TGFBR3: variants seen among roughly 807,000 people sequenced by gnomAD.
The protein encoded by TGFBR3 is transforming growth factor beta receptor 3.
In TGFBR3, 46 loss-of-function variants were observed where a neutral mutation model predicts 87.9. That is an observed-to-expected ratio of 0.52 (90% CI 0.41 to 0.67). TGFBR3 has a LOEUF of 0.67. Among genes scored for constraint, TGFBR3 ranks in the 30% least tolerant of loss-of-function variants. The pLI, the probability that TGFBR3 is intolerant of heterozygous loss-of-function variation, is 0.00. For synonymous variants in TGFBR3, 381 were observed against 391.6 expected, an observed-to-expected ratio of 0.97 and a Z score of 0.32; for missense variants, 866 against 1,041.9, an observed-to-expected ratio of 0.83 and a Z score of 2.32.
intron 7 of TGFBR3, among the ~76,000 whole-genome samples, chr1:91,723,769 T>C (rs967992477): frequency 6.6e-6 from 1 of 152,210 alleles, no homozygotes; most frequent in Non-Finnish European, 1.5e-5. Flanking sequence ...GCATGCAGAT[T>C]ACACCATTTT....
At chr1:91,865,151 C>T (rs1382058194) in intron 1 of TGFBR3, among the ~76,000 whole-genome samples, 3 of 146,278 alleles carry the variant, frequency 2.1e-5, no homozygotes, top group South Asian at 2.1e-4. Flanking sequence ...TGCAATGAGC[C>T]GAGATTATGC....
At chr1:91,786,854 G>A (rs1674989997) in intron 3 of TGFBR3, among the ~76,000 whole-genome samples, 1 of 152,208 alleles carries the variant, frequency 6.6e-6, no homozygotes, top group African/African-American at 2.4e-5. Context: ...AAGCCAGATT[G>A]AAAAGCCAGC....
chr1:91,685,067 C>G (rs1250771485), intron 16 of TGFBR3, among the ~76,000 whole-genome samples: 1 of 152,142 alleles, frequency 6.6e-6, no homozygotes, highest in Admixed American at 6.5e-5. Flanking sequence ...CCCTCAAAAG[C>G]CTCTGTGAAA....
chr1:91,682,870 C>A lies in TGFBR3; in HGVS notation c.*869G>T, dbSNP rs1216784012. 9 of 452,892 alleles carry A rather than the reference C, an allele frequency of 2.0e-5. No individual in the cohort carries two copies. In the East Asian group the frequency reaches 5.6e-4, roughly 28 times the overall value. 28.1% of individuals were successfully genotyped at this position (452,892 alleles called of 1,614,324 possible). ...CTTGCATACACATAGAAATATATCA[C>A]TGTGCAAATTCGTCCTTGACTTTAT... On this transcript the variant is annotated 3_prime_UTR_variant, in exon 17 of 17. Transcript: ENST00000212355.
At chr1:91,753,012 G>C (rs1056368822) in intron 4 of TGFBR3, among the ~76,000 whole-genome samples, 1 of 149,662 alleles carries the variant, frequency 6.7e-6, no homozygotes, top group African/African-American at 2.5e-5. Flanking sequence ...GGGCTACAGA[G>C]CCAGACCCTC....
rs368416266 is a variant in TGFBR3, at chr1:91,875,614, A to G, written c.-114+10264T>C. Among the ~76,000 whole-genome samples the G allele has an allele frequency of 1.2e-4, 19 of 152,096 alleles. No homozygotes were observed. In the East Asian group the frequency reaches 3.7e-3, roughly 29 times the overall value. ...ATTGAAAAGGAAGACTGGGCTGGGC[A>G]CTGTGGCTCACGTCTATATTCCCAG... On this transcript the variant is annotated intron_variant, in intron 1 of 16. Transcript: ENST00000212355.
intron 3 of TGFBR3, among the ~76,000 whole-genome samples, chr1:91,786,470 G>T (rs896782204): frequency 5.3e-5 from 8 of 152,172 alleles, no homozygotes; most frequent in Non-Finnish European, 8.8e-5. Flanking sequence ...GAATGGGCAG[G>T]CCAGGTGTGG....
At chr1:91,856,162 A>C (rs1483159879) in intron 2 of TGFBR3, among the ~76,000 whole-genome samples, 1 of 152,138 alleles carries the variant, frequency 6.6e-6, no homozygotes, top group African/African-American at 2.4e-5. Flanking sequence ...TCCCGGGTTC[A>C]CACCATTCTT....
chr1:91,895,861 C>G (rs927178190), intron 2 of TGFBR3, among the ~76,000 whole-genome samples: 1 of 152,176 alleles, frequency 6.6e-6, no homozygotes, highest in Admixed American at 6.5e-5. Flanking sequence ...CCCAGTAGCT[C>G]AGGTCAAACA....
chr1:91,799,090 C>A (rs1170372946), intron 2 of TGFBR3, among the ~76,000 whole-genome samples: 1 of 152,184 alleles, frequency 6.6e-6, no homozygotes, highest in Admixed American at 6.5e-5. Context: ...TGAATGTACT[C>A]CAGTTTGTTC....
intron 2 of TGFBR3, among the ~76,000 whole-genome samples, chr1:91,823,682 A>G (rs1389084205): frequency 6.6e-6 from 1 of 152,254 alleles, no homozygotes; most frequent in Non-Finnish European, 1.5e-5. Context: ...AAAGCAGATT[A>G]GTAATTGCCT....
chr1:91,709,558 T>C (rs545929052), intron 13 of TGFBR3, among the ~76,000 whole-genome samples: 1 of 152,182 alleles, frequency 6.6e-6, no homozygotes, highest in Non-Finnish European at 1.5e-5. Flanking sequence ...AACTAAACTT[T>C]CCAGGGTCAT....
At chr1:91,853,466 A>C (rs941790516) in intron 2 of TGFBR3, among the ~76,000 whole-genome samples, 3 of 152,110 alleles carry the variant, frequency 2.0e-5, no homozygotes, top group Non-Finnish European at 2.9e-5. Context: ...ACTATGGCAG[A>C]ACCACCTCTG....
intron 2 of TGFBR3, among the ~76,000 whole-genome samples, chr1:91,843,712 A>C (rs1677375120): frequency 6.6e-6 from 1 of 152,190 alleles, no homozygotes; most frequent in South Asian, 2.1e-4. Flanking sequence ...GTGGTCACAC[A>C]GCCTATGATC....
chr1:91,708,793 G>A lies in TGFBR3; in HGVS notation c.2167-10C>T. The A allele has an allele frequency of 6.2e-7, 1 of 1,613,600 alleles. No individual in the cohort carries two copies. The highest frequency in any genetic ancestry group is 8.5e-7 in the Non-Finnish European group (1 of 1,179,894). The stretch of plus-strand genomic sequence containing the variant: ...CGTCAGGAGGCACACACTGCAGACA[G>A]GCAGAACAAAGCACAGAATCAGGGG... On this transcript the variant is annotated splice_polypyrimidine_tract_variant and intron_variant, in intron 13 of 16. Coordinates refer to ENST00000212355, the MANE Select transcript of TGFBR3 (RefSeq NM_003243.5).
chr1:91,838,597 T>C (rs1677148368), intron 2 of TGFBR3, among the ~76,000 whole-genome samples: 1 of 151,128 alleles, frequency 6.6e-6, no homozygotes, highest in Admixed American at 6.6e-5. Flanking sequence ...TAGCTGGGAC[T>C]ACAGGCACCC....
chr1:91,749,710 G>A (rs1352283719), intron 4 of TGFBR3, among the ~76,000 whole-genome samples: 1 of 152,172 alleles, frequency 6.6e-6, no homozygotes, highest in Non-Finnish European at 1.5e-5. Context: ...AGGCATCACT[G>A]TCTATAATTT....
At chr1:91,764,317 C>CAAAAAAAAAAAAAAAAAAAAAAAA (rs200776741) in intron 3 of TGFBR3, among the ~76,000 whole-genome samples, 2 of 77,392 alleles carry the variant, frequency 2.6e-5, no homozygotes. Context: ...ACAAAAGAGA[C>CAAAAAAAAAAAAAAAAAAAAAAAA]AAAAAAAAAA....
In TGFBR3 at chr1:91,716,496, G is replaced by C. The variant is rs566778118; in HGVS notation, c.1707+72C>G. ...CTTTTAACATCTGATTTTATTTTCA[G>C]ATAGTCCCTAACTAAAGCCAACAAA... On this transcript the variant is annotated intron_variant, in intron 11 of 16. Transcript: ENST00000212355. 23 of 1,613,742 alleles carry C rather than the reference G, an allele frequency of 1.4e-5. No homozygotes were observed. In the South Asian group the frequency reaches 2.4e-4, roughly 17 times the overall value.
Sources: gnomAD v4.1 joint callset for allele counts (sites outside exome capture counted in the v4.1 genomes callset) on GRCh38, gnomAD v4.1.1 for gene constraint, MANE v1.5 for transcripts, NCBI Gene and HGNC (gene_info 2026-07-23, HGNC 2026-07-21) for gene names.